The following SH3RF1 variants were observed in gnomAD, a reference collection of about 807,000 sequenced individuals.
SH3RF1 encodes SH3 domain containing ring finger 1, also known as E3 ubiquitin-protein ligase SH3RF1.
A neutral mutation model predicts 74.0 loss-of-function variants in SH3RF1; 32 were observed. That is an observed-to-expected ratio of 0.43 (90% CI 0.33 to 0.58). SH3RF1 has a LOEUF of 0.58. Among genes scored for constraint, SH3RF1 ranks in the 20% least tolerant of loss-of-function variants. The pLI is 0.05. For missense variants in SH3RF1, 954 were observed against 1,130.9 expected (o/e 0.84, Z 2.24); for synonymous variants, 396 against 439.6 (o/e 0.90, Z 1.24).
chr4:169,157,940 T>C (rs371326422), intron 2 of SH3RF1, among the ~76,000 whole-genome samples: 29 of 150,480 alleles, frequency 1.9e-4, no homozygotes, highest in Admixed American at 1.3e-3. Flanking sequence ...GGTCTCGCCA[T>C]GTTGGCCAGG....
At chr4:169,213,479 C>T (rs1046841927) in intron 2 of SH3RF1, among the ~76,000 whole-genome samples, 2 of 152,116 alleles carry the variant, frequency 1.3e-5, no homozygotes, top group Admixed American at 6.5e-5. Flanking sequence ...CTGTAACTTG[C>T]CTCATATTCT....
chr4:169,228,668 G>A (rs1175675985), intron 2 of SH3RF1, among the ~76,000 whole-genome samples: 1 of 152,146 alleles, frequency 6.6e-6, no homozygotes, highest in Non-Finnish European at 1.5e-5. Context: ...AATAACACAC[G>A]GCTCTGGGGA....
intron 3 of SH3RF1, among the ~76,000 whole-genome samples, 162 bp downstream of exon 3, chr4:169,156,242 C>T (rs1315338232): frequency 6.6e-6 from 1 of 152,150 alleles, no homozygotes; most frequent in Non-Finnish European, 1.5e-5. Context: ...AATTACCTTC[C>T]TTGTGACTTA....
At chr4:169,260,112 C>G (rs1731254075) in intron 2 of SH3RF1, among the ~76,000 whole-genome samples, 2 of 152,084 alleles carry the variant, frequency 1.3e-5, no homozygotes, top group African/African-American at 4.8e-5. Context: ...TGGAGGTGTG[C>G]AAAGGAGAGC....
At chr4:169,264,408 C>T (rs1469276935) in intron 2 of SH3RF1, among the ~76,000 whole-genome samples, 1 of 152,112 alleles carries the variant, frequency 6.6e-6, no homozygotes, top group Admixed American at 6.5e-5. Context: ...CCAAATATGG[C>T]CACATTGTGA....
intron 2 of SH3RF1, among the ~76,000 whole-genome samples, chr4:169,233,267 A>C (rs1369423207): frequency 1.3e-4 from 19 of 151,590 alleles, no homozygotes; most frequent in African/African-American, 3.4e-4. Flanking sequence ...AAAAAAAAAA[A>C]AAAAAACCGT....
rs78892108 is a variant in SH3RF1, at chr4:169,144,050, G to A, written c.766-7430C>T. ...GTCCTCACTGGTTCAGTAATCTTGGGTGGACCACATAAATTCCATGGTTTT... is the reference window on the plus strand; with the variant it reads ...GTCCTCACTGGTTCAGTAATCTTGGATGGACCACATAAATTCCATGGTTTT... On this transcript the variant is annotated intron_variant, in intron 4 of 11. Coordinates refer to ENST00000284637, the MANE Select transcript of SH3RF1 (RefSeq NM_020870.4). Among the ~76,000 whole-genome samples the A allele has an allele frequency of 6.0e-3, 907 of 152,290 alleles. 16 individuals carry two copies. Among genetic ancestry groups the A allele is most frequent in the African/African-American group, 0.021 (876 of 41,564 alleles).
intron 2 of SH3RF1, among the ~76,000 whole-genome samples, chr4:169,230,410 A>G (rs2127006776): frequency 6.6e-6 from 1 of 152,346 alleles, no homozygotes; most frequent in South Asian, 2.1e-4. Flanking sequence ...CTTCATACAG[A>G]GTAATAAATA....
At chr4:169,155,264 T>C (rs1273919582) in intron 4 of SH3RF1, among the ~76,000 whole-genome samples, 1 of 152,226 alleles carries the variant, frequency 6.6e-6, no homozygotes, top group Non-Finnish European at 1.5e-5. Context: ...GGAATGCTTT[T>C]AGCAGGGAGA....
intron 9 of SH3RF1, among the ~76,000 whole-genome samples, chr4:169,116,908 T>C (rs571096945): frequency 1.1e-4 from 17 of 152,288 alleles, no homozygotes; most frequent in African/African-American, 4.1e-4. Context: ...CTCTCCACAG[T>C]GTTAGAGACA....
At chr4:169,152,237 T>C (rs1002328237) in intron 4 of SH3RF1, among the ~76,000 whole-genome samples, 6 of 152,082 alleles carry the variant, frequency 3.9e-5, no homozygotes, top group African/African-American at 1.4e-4. Context: ...TCTGAAAGAA[T>C]CTCCGGAGGG....
At chr4:169,133,199 A>G (rs1050354293) in intron 5 of SH3RF1, among the ~76,000 whole-genome samples, 3 of 152,180 alleles carry the variant, frequency 2.0e-5, no homozygotes, top group Non-Finnish European at 4.4e-5. Flanking sequence ...CCAGCATCCA[A>G]CTGCCTATAT....
At chr4:169,156,088 T>C (rs1734046118) in intron 3 of SH3RF1, among the ~76,000 whole-genome samples, 1 of 152,352 alleles carries the variant, frequency 6.6e-6, no homozygotes, top group African/African-American at 2.4e-5. Flanking sequence ...CATTTTGTTA[T>C]TCATAATTCA....
intron 2 of SH3RF1, among the ~76,000 whole-genome samples, chr4:169,200,835 T>C (rs1734895330): frequency 1.3e-5 from 2 of 152,118 alleles, no homozygotes; most frequent in Admixed American, 1.3e-4. Context: ...AATTAGTCCA[T>C]CCCAACTGAG....
At chr4:169,179,232 T>C (rs1026552093) in intron 2 of SH3RF1, among the ~76,000 whole-genome samples, 61 of 152,294 alleles carry the variant, frequency 4.0e-4, no homozygotes, top group African/African-American at 1.4e-3. Flanking sequence ...TTTGCTGGCT[T>C]TGAAGACAAA....
In SH3RF1 at chr4:169,122,174, A is replaced by T; in HGVS notation, c.1272T>A (p.Ala424=). 7.5e-6 allele frequency: 12 copies of T among 1,607,138 alleles called. No individual in the cohort carries two copies. The highest frequency in any genetic ancestry group is 1.0e-5 in the Non-Finnish European group (12 of 1,175,930). ...PPGATAAAAA[A]GMGPRPMAGS... The stretch of plus-strand genomic sequence containing the variant: ...CTGCCATGGGCCTCGGTCCCATTCC[A>T]GCAGCAGCAGCAGCGGCGGTGGCGC... The change falls in exon 7 of 12, where the codon GCT becomes GCA. Residue 424 remains alanine (A), a synonymous_variant. Coordinates refer to ENST00000284637, the MANE Select transcript of SH3RF1 (RefSeq NM_020870.4).
intron 4 of SH3RF1, among the ~76,000 whole-genome samples, chr4:169,154,170 C>T (rs951686883): frequency 2.0e-5 from 3 of 152,080 alleles, no homozygotes; most frequent in Non-Finnish European, 4.4e-5. Context: ...GAAGGACTGC[C>T]TGTGAGTTAA....
chr4:169,108,690 C>T (rs1300728300), intron 10 of SH3RF1, among the ~76,000 whole-genome samples: 4 of 152,224 alleles, frequency 2.6e-5, no homozygotes, highest in East Asian at 1.9e-4. Flanking sequence ...TGATCTTATG[C>T]GCTTTCGCTT....
intron 2 of SH3RF1, among the ~76,000 whole-genome samples, chr4:169,230,076 C>T (rs775689544): frequency 1.3e-5 from 2 of 152,028 alleles, no homozygotes; most frequent in Non-Finnish European, 2.9e-5. Context: ...CGTGGTGGTG[C>T]ATGCCTGTAA....
Sources: gnomAD v4.1 joint callset for allele counts (sites outside exome capture counted in the v4.1 genomes callset) on GRCh38, gnomAD v4.1.1 for gene constraint, MANE v1.5 for transcripts, NCBI Gene and HGNC (gene_info 2026-07-23, HGNC 2026-07-21) for gene names.